The following EXOC5 variants were observed in gnomAD, a reference collection of about 807,000 sequenced individuals.
EXOC5 encodes SEC10-like 1.
In EXOC5, 17 loss-of-function variants were observed where a neutral mutation model predicts 90.8. The observed-to-expected ratio is 0.19, with a 90% CI of 0.13 to 0.28. The LOEUF is 0.28. Ranked by LOEUF, EXOC5 falls within the 10% of genes least tolerant of loss-of-function variation. The pLI, the probability that EXOC5 is intolerant of heterozygous loss-of-function variation, is 1.00. For synonymous variants in EXOC5, 260 were observed against 270.0 expected (o/e 0.96, Z 0.36); for missense variants, 569 against 830.6 (o/e 0.69, Z 3.87).
rs1882562372 is a variant in EXOC5 at position 57,203,608 on chromosome 14, A to G, written c.*5001T>C. On this transcript the variant is annotated 3_prime_UTR_variant, in exon 18 of 18. Coordinates refer to ENST00000621441, the MANE Select transcript of EXOC5 (RefSeq NM_006544.4). ...TTCCTACTTCCTTCCTTAACCCTCC[A>G]TATTTCCTCCTATTAAGTCACTAGG... is the stretch of plus-strand genomic sequence containing the variant. The G allele has an allele frequency of 6.6e-6, 1 of 152,586 alleles. No homozygotes were observed. Among genetic ancestry groups the G allele is most frequent in the African/African-American group, 2.4e-5 (1 of 41,438 alleles). 9.5% of individuals were successfully genotyped at this position (152,586 alleles called of 1,614,324 possible).
intron 1 of EXOC5, chr14:57,268,229 C>T (rs1884751019): frequency 3.4e-6 from 1 of 294,476 alleles, no homozygotes; most frequent in Non-Finnish European, 6.4e-6. Context: ...AGGACCCCAG[C>T]GACAAGACTC....
chr14:57,268,874 T>C lies in EXOC5; in HGVS notation c.-226A>G, dbSNP rs1466847631. On this transcript the variant is annotated 5_prime_UTR_variant, in exon 1 of 18. It removes an upstream start codon present in the reference 5' UTR. Transcript: ENST00000621441. ...CCCGGCGCCGCCCGCGCTGCTCCCA[T>C]TGTCACCGCCTCATACGCCGGAAGT... 16 of 1,190,018 alleles carry C rather than the reference T, an allele frequency of 1.3e-5. 1 individual carries two copies. Among genetic ancestry groups the C allele is most frequent in the Non-Finnish European group, 1.7e-5 (15 of 893,322 alleles). The allele number at this position is 1,190,018 out of a possible 1,614,324, so 73.7% of individuals were successfully genotyped here.
chr14:57,268,598 C>G, intron 1 of EXOC5, 24 bp downstream of exon 1: 1 of 1,586,034 alleles, frequency 6.3e-7, no homozygotes, highest in Non-Finnish European at 8.5e-7. Flanking sequence ...GCCTGCCACT[C>G]CCTGTAGAGC....
chr14:57,268,223 C>A, intron 1 of EXOC5: 1 of 285,618 alleles, frequency 3.5e-6, no homozygotes, highest in Non-Finnish European at 6.6e-6. Context: ...CCCGCGAGGA[C>A]CCCAGCGACA....
chr14:57,265,672 C>T (rs1884650450), intron 1 of EXOC5, among the ~76,000 whole-genome samples: 1 of 152,200 alleles, frequency 6.6e-6, no homozygotes, highest in Non-Finnish European at 1.5e-5. Context: ...CTGCAGCGAG[C>T]AGTGATTACC....
chr14:57,245,763 GA>G (rs2139653094), intron 3 of EXOC5, among the ~76,000 whole-genome samples: 1 of 152,096 alleles, frequency 6.6e-6, no homozygotes, highest in South Asian at 2.1e-4. Context: ...TACACTAAGG[GA>G]AATCAAGGCC....
At chr14:57,214,883 G>C (rs1019793277) in intron 15 of EXOC5, among the ~76,000 whole-genome samples, 2 of 152,168 alleles carry the variant, frequency 1.3e-5, no homozygotes, top group Non-Finnish European at 2.9e-5. Flanking sequence ...TCCTGCTGAA[G>C]TCAGAAAAAT....
rs1289401438 is a variant in EXOC5, at chr14:57,205,116, T to C, written c.*3493A>G. On this transcript the variant is annotated 3_prime_UTR_variant, in exon 18 of 18. Coordinates refer to ENST00000621441, the MANE Select transcript of EXOC5 (RefSeq NM_006544.4). ...CCCAAATCCTAGGGTTGCTCTAGAATCCAATAATATGTGCAAAGGACTTAT... is the reference window on the plus strand; with the variant it reads ...CCCAAATCCTAGGGTTGCTCTAGAACCCAATAATATGTGCAAAGGACTTAT... 1 of 152,006 alleles carries C rather than the reference T, an allele frequency of 6.6e-6. No homozygotes were observed. Among genetic ancestry groups the C allele is most frequent in the Non-Finnish European group, 1.5e-5 (1 of 67,896 alleles). The allele number at this position is 152,006 out of a possible 1,614,324, so 9.4% of individuals were successfully genotyped here. A position where few individuals can be genotyped will look rare whatever the true frequency, so the allele number is the denominator to read the frequency against.
intron 1 of EXOC5, among the ~76,000 whole-genome samples, chr14:57,266,346 C>A (rs886692197): frequency 6.6e-6 from 1 of 152,070 alleles, no homozygotes; most frequent in African/African-American, 2.4e-5. Context: ...TTTCCTCCTC[C>A]CTCCAAGGCC....
At chr14:57,225,388 C>T (rs958269730) in intron 12 of EXOC5, among the ~76,000 whole-genome samples, 5 of 151,994 alleles carry the variant, frequency 3.3e-5, no homozygotes, top group South Asian at 2.1e-4. Flanking sequence ...TAATGGTGAA[C>T]GATTAAATAA....
chr14:57,256,492 T>G (rs939981573), intron 1 of EXOC5, among the ~76,000 whole-genome samples: 4 of 152,072 alleles, frequency 2.6e-5, no homozygotes, highest in Non-Finnish European at 4.4e-5. Flanking sequence ...CTCACTAGCC[T>G]TCTTCTTCTA....
chr14:57,233,844 T>G lies in EXOC5; in HGVS notation c.754A>C (p.Ile252Leu), dbSNP rs749522788. The change falls in exon 9 of 18, where the codon ATA (isoleucine) becomes CTA (leucine). Residue 252 changes from isoleucine (I) to leucine (L), a missense_variant. Physicochemically the swap from Ile to Leu is conservative, Grantham distance 5 (BLOSUM62 2). Around this residue, in one of 9 missense-constraint regions of EXOC5, gnomAD observed 114 missense variants for 111.2 expected, o/e 1.03. Coordinates refer to ENST00000621441, the MANE Select transcript of EXOC5 (RefSeq NM_006544.4). ...TGTTTGTTCACTCTTTGACAGAGTA[T>G]TCCAGCGTCTTCAAATATATCATTT... ...LRNDIFEDAG[I>L]LCQRVNKQVG... 8.7e-6 allele frequency: 14 copies of G among 1,610,062 alleles called. No homozygotes were observed. The South Asian group carries it at 1.5e-4, about 18-fold the overall frequency.
At chr14:57,229,252 T>A (rs1282414398) in intron 12 of EXOC5, among the ~76,000 whole-genome samples, 1 of 152,176 alleles carries the variant, frequency 6.6e-6, no homozygotes, top group South Asian at 2.1e-4. Context: ...AAAAATCCTA[T>A]CTTTTATTAC....
chr14:57,227,919 G>A (rs377341518), intron 12 of EXOC5, among the ~76,000 whole-genome samples: 6 of 146,958 alleles, frequency 4.1e-5, no homozygotes, highest in East Asian at 2.0e-4. Context: ...GTTATATGAT[G>A]AAATAAGTTT....
chr14:57,219,395 C>A lies in EXOC5; in HGVS notation c.1453G>T (p.Val485Phe). ...AAAATAGTATTGGCCTGTTGCACAA[C>A]GTCCAAAAAATAAAGATTTGCATTC... Reference protein sequence around the residue: ...SRNANLYFLDVVQQANTIFHL... With the variant: ...SRNANLYFLDFVQQANTIFHL... The change falls in exon 14 of 18, where the codon GTT becomes TTT. Residue 485 changes from valine to phenylalanine, a missense_variant. Val to Phe is a conservative substitution (Grantham distance 50, BLOSUM62 -1). Coordinates refer to ENST00000621441, the MANE Select transcript of EXOC5 (RefSeq NM_006544.4). 1 of 1,562,272 alleles carries A rather than the reference C, an allele frequency of 6.4e-7. No homozygotes were observed. The highest frequency in any genetic ancestry group is 8.7e-7 in the Non-Finnish European group (1 of 1,149,438).
At chr14:57,219,568 A>G (rs1883067281) in intron 13 of EXOC5, 126 bp from the exon 14 acceptor site, 1 of 709,054 alleles carries the variant, frequency 1.4e-6, no homozygotes, top group African/African-American at 1.9e-5. Flanking sequence ...TTAATACATC[A>G]ATAATGACTT....
Position 57,202,894 on chromosome 14 carries a change from G to A in EXOC5, c.*5715C>T, listed in dbSNP as rs1882546914. On this transcript the variant is annotated 3_prime_UTR_variant, in exon 18 of 18. Coordinates refer to ENST00000621441, the MANE Select transcript of EXOC5 (RefSeq NM_006544.4). ...ACTATAAAAATAACTTCTCCCCCTT[G>A]TGGCAAAAATTGAAAATACATTCTA... 6.6e-6 allele frequency: 1 copy of A among 152,086 alleles called. No homozygotes were observed. The highest frequency in any genetic ancestry group is 1.5e-5 in the Non-Finnish European group (1 of 67,994). 9.4% of individuals were successfully genotyped at this position (152,086 alleles called of 1,614,324 possible).
At chr14:57,234,091 A>AAAAAG in intron 7 of EXOC5, 59 bp from the exon 8 acceptor site, 1 of 1,298,370 alleles carries the variant, frequency 7.7e-7, no homozygotes. Context: ...TATTATTTCA[A>AAAAAG]AAAAAGAAGT....
intron 7 of EXOC5, 57 bp from the exon 8 acceptor site, chr14:57,234,089 CA>C: frequency 2.3e-6 from 3 of 1,313,668 alleles, no homozygotes; most frequent in Non-Finnish European, 3.2e-6. Flanking sequence ...ATTATTATTT[CA>C]AAAAAAGAAG....
Sources: allele counts gnomAD v4.1 joint callset (sites outside exome capture counted in the v4.1 genomes callset), GRCh38; gene constraint gnomAD v4.1.1; regional missense constraint gnomAD v4.1.1; transcripts MANE v1.5; gene names NCBI Gene and HGNC (gene_info 2026-07-23, HGNC 2026-07-21).